SMG1: variants seen among roughly 807,000 people sequenced by gnomAD.
The protein encoded by SMG1 is serine/threonine-protein kinase SMG1.
SMG1 carries 22 observed loss-of-function variants against 419.9 expected under a neutral mutation model. The ratio of observed to expected loss-of-function variants is 0.05; its 90% CI spans 0.04 to 0.07. The LOEUF is 0.07. SMG1 is among the 10% of genes least tolerant of loss of function. The pLI, the probability that SMG1 is intolerant of heterozygous loss-of-function variation, is 1.00. For missense variants in SMG1, 3,185 were observed against 4,342.0 expected (o/e 0.73, Z 7.49); for synonymous variants, 1,538 against 1,553.5 (o/e 0.99, Z 0.23).
At chr16:18,816,648 C>CT in intron 57 of SMG1, 119 bp from the exon 58 acceptor site, 3 of 740,174 alleles carry the variant, frequency 4.1e-6, no homozygotes, top group South Asian at 1.9e-5. Flanking sequence ...ACCTCCATTG[C>CT]TAAGTCATGA....
intron 39 of SMG1, among the ~76,000 whole-genome samples, chr16:18,844,555 A>C (rs2034139758): frequency 8.1e-5 from 4 of 49,588 alleles, no homozygotes; most frequent in Admixed American, 2.0e-4. Flanking sequence ...ACACATAATA[A>C]ACTTCATCCT....
intron 1 of SMG1, among the ~76,000 whole-genome samples, chr16:18,922,245 G>A (rs2038225394): frequency 6.6e-6 from 1 of 152,138 alleles, no homozygotes; most frequent in East Asian, 1.9e-4. Context: ...TGGAAAAAAT[G>A]ACAGACTTTA....
chr16:18,805,543 G>A lies in SMG1; in HGVS notation c.*4026C>T, dbSNP rs927114374. 4 of 152,096 alleles carry A rather than the reference G, an allele frequency of 2.6e-5. No individual in the cohort carries two copies. Among genetic ancestry groups the A allele is most frequent in the African/African-American group, 9.7e-5 (4 of 41,372 alleles). The allele number at this position is 152,096 out of a possible 1,614,324, so 9.4% of individuals were successfully genotyped here. A position where few individuals can be genotyped will look rare whatever the true frequency, so the allele number is the denominator to read the frequency against. ...TTCTGTAAATAAGGATGGTGATACTGTTATCCAGGCCTAAAAAGCAGGAAG... is the reference window on the plus strand; with the variant it reads ...TTCTGTAAATAAGGATGGTGATACTATTATCCAGGCCTAAAAAGCAGGAAG... On this transcript the variant is annotated 3_prime_UTR_variant, in exon 63 of 63. Transcript: ENST00000446231.
chr16:18,849,813 T>G (rs2650614), intron 35 of SMG1, 136 bp downstream of exon 35: 54,977 of 806,680 alleles, frequency 0.068, 2,336 homozygotes, highest in African/African-American at 0.16. Context: ...TAACAAGCAG[T>G]GCAGGGTGTC....
Position 18,835,970 on chromosome 16 carries a change from T to C in SMG1, c.8020A>G (p.Asn2674Asp). The change falls in exon 48 of 63, where the codon AAC (asparagine) becomes GAC (aspartate). Residue 2674 changes from asparagine to aspartate, a missense_variant. Physicochemically the swap from Asn to Asp is conservative, Grantham distance 23. Coordinates refer to ENST00000446231, the MANE Select transcript of SMG1 (RefSeq NM_015092.5). ...TCTTGACAACGCTCTACTGTGGTGT[T>C]ACAGATGAGCTCTTCCATCCAGGTC... ...WKTWMEELICNTTVERCQELY... is the reference protein window; with the variant it reads ...WKTWMEELICDTTVERCQELY... 1.9e-6 allele frequency: 3 copies of C among 1,553,626 alleles called. No homozygotes were observed. Among genetic ancestry groups the C allele is most frequent in the South Asian group, 2.4e-5 (2 of 84,134 alleles).
At chr16:18,917,314 G>A (rs545776902) in intron 1 of SMG1, among the ~76,000 whole-genome samples, 7 of 151,596 alleles carry the variant, frequency 4.6e-5, no homozygotes, top group South Asian at 2.1e-4. Flanking sequence ...CACCATGCCC[G>A]GCTAATTATT....
chr16:18,867,529 AT>A (rs2035580283), intron 22 of SMG1, among the ~76,000 whole-genome samples: 6 of 51,886 alleles, frequency 1.2e-4, no homozygotes, highest in South Asian at 5.2e-4. Flanking sequence ...GTCTCAAAAA[AT>A]AAATAAATAA....
chr16:18,879,241 G>A (rs954988615), intron 11 of SMG1: 20 of 462,246 alleles, frequency 4.3e-5, no homozygotes, highest in African/African-American at 3.0e-4. Flanking sequence ...TCAGCCTCCC[G>A]AGTAGCTAGG....
rs866224335 is a variant in SMG1, at chr16:18,916,717, T to A, written c.92+9233A>T. ...TTAGGCCTCTATACAAGGGGAAGTA[T>A]GTTTCATTTTATAGTTCCAAAAATA... On this transcript the variant is annotated intron_variant, in intron 1 of 62. Coordinates refer to ENST00000446231, the MANE Select transcript of SMG1 (RefSeq NM_015092.5). Among the ~76,000 whole-genome samples, 48 of 152,030 alleles carry A rather than the reference T, an allele frequency of 3.2e-4. 1 individual carries two copies. The Middle Eastern group carries it at 0.017, about 54-fold the overall frequency.
chr16:18,853,525 A>C, intron 31 of SMG1, 58 bp downstream of exon 31: 1 of 1,404,762 alleles, frequency 7.1e-7, no homozygotes, highest in South Asian at 1.6e-5. Context: ...TAAACTTTAA[A>C]ACAGAAAAAA....
chr16:18,865,591 TATTAA>T (rs1596548393), intron 23 of SMG1, among the ~76,000 whole-genome samples: 1 of 151,642 alleles, frequency 6.6e-6, no homozygotes, highest in African/African-American at 2.4e-5. Context: ...CAGTAAGAAA[TATTAA>T]ATTATGGTAC....
chr16:18,906,328 C>CA (rs2037560530), intron 1 of SMG1, among the ~76,000 whole-genome samples: 1 of 151,996 alleles, frequency 6.6e-6, no homozygotes, highest in South Asian at 2.1e-4. Flanking sequence ...ACTAAAAATA[C>CA]AAAAATTAGC....
chr16:18,924,422 A>C (rs1264272112), intron 1 of SMG1, among the ~76,000 whole-genome samples: 1 of 152,246 alleles, frequency 6.6e-6, no homozygotes, highest in African/African-American at 2.4e-5. Flanking sequence ...CTAAAAGGTT[A>C]CTAAATTCTC....
Position 18,809,337 on chromosome 16 carries a change from G to A in SMG1, c.*232C>T. On this transcript the variant is annotated 3_prime_UTR_variant, in exon 63 of 63. Transcript: ENST00000446231. Reference sequence around the variant, plus strand: ...ATCTCCGTGTTCAGGCGGTGAGCTTGCTTTCCTTCACCCTTGACCCTGGGG... The same window carrying A: ...ATCTCCGTGTTCAGGCGGTGAGCTTACTTTCCTTCACCCTTGACCCTGGGG... 1.9e-6 allele frequency: 1 copy of A among 517,014 alleles called. No individual in the cohort carries two copies. The highest frequency in any genetic ancestry group is 3.6e-6 in the Non-Finnish European group (1 of 276,744). The allele number at this position is 517,014 out of a possible 1,614,324, so 32.0% of individuals were successfully genotyped here.
intron 55 of SMG1, among the ~76,000 whole-genome samples, chr16:18,820,604 G>A (rs1461626185): frequency 6.6e-6 from 1 of 152,116 alleles, no homozygotes; most frequent in Non-Finnish European, 1.5e-5. Flanking sequence ...TCAGGTGGAC[G>A]CATTCACATT....
At chr16:18,881,810 T>C in intron 10 of SMG1, among the ~76,000 whole-genome samples, 1 of 152,164 alleles carries the variant, frequency 6.6e-6, no homozygotes, top group South Asian at 2.1e-4. Context: ...TTCTGAGGCT[T>C]TTCCTATAGT....
chr16:18,848,863 G>A (rs909826305), intron 36 of SMG1, among the ~76,000 whole-genome samples: 1 of 151,482 alleles, frequency 6.6e-6, no homozygotes, highest in Admixed American at 6.6e-5. Context: ...ACGAGGTCAG[G>A]AGTTCAAGAC....
At position 18,869,836 on chromosome 16, in the gene SMG1, G is replaced by C; in HGVS notation, c.2633+18C>G. ...AAAATTATGTTTCCCAGATAAAAGA[G>C]TCAAAGAAATGCCTTACCCTGTTCT... On this transcript the variant is annotated intron_variant, in intron 19 of 62. Transcript: ENST00000446231. 1.3e-6 allele frequency: 2 copies of C among 1,579,026 alleles called. No homozygotes were observed. The highest frequency in any genetic ancestry group is 8.6e-7 in the Non-Finnish European group (1 of 1,163,674).
At chr16:18,877,506 C>G in intron 11 of SMG1, 1 of 305,622 alleles carries the variant, frequency 3.3e-6, no homozygotes, top group Non-Finnish European at 6.3e-6. Flanking sequence ...GTGAAACTAT[C>G]CTGTATGATA....
Sources: allele counts gnomAD v4.1 joint callset (sites outside exome capture counted in the v4.1 genomes callset), GRCh38; gene constraint gnomAD v4.1.1; transcripts MANE v1.5; gene names NCBI Gene and HGNC (gene_info 2026-07-23, HGNC 2026-07-21).